The following EVC2 variants were observed in gnomAD, a reference collection of about 807,000 sequenced individuals.
EVC2 encodes EvC ciliary complex subunit 2.
A neutral mutation model predicts 149.3 loss-of-function variants in EVC2; 148 were observed. The observed-to-expected ratio is 0.99, with a 90% confidence interval of 0.87 to 1.14. The LOEUF (loss-of-function observed/expected upper bound fraction) is 1.14. EVC2 is among the 50% of genes most tolerant of loss of function. The pLI is 0.00. For missense variants in EVC2, 1,854 were observed against 1,627.3 expected, an observed-to-expected ratio of 1.14 and a Z score of -2.40; for synonymous variants, 776 against 649.9, an observed-to-expected ratio of 1.19 and a Z score of -2.95.
rs1178938566 is a variant in EVC2, at chr4:5,708,495, G to T, written c.19C>A (p.Arg7=). MDPSGS[R]GRPTWVLAGG... The stretch of plus-strand genomic sequence containing the variant: ...GCCAGCACCCACGTGGGGCGCCCCC[G>T]GGAGCCCGAGGGGTCCATCGCCTGT... Residue 7 remains arginine, a synonymous_variant, in exon 1 of 22, where the codon CGG becomes AGG. Coordinates refer to ENST00000344408, the MANE Select transcript of EVC2 (RefSeq NM_147127.5). The T allele has an allele frequency of 4.7e-6, 7 of 1,479,184 alleles. No individual in the cohort carries two copies. The highest frequency in any genetic ancestry group is 4.5e-6 in the Non-Finnish European group (5 of 1,122,740). 91.6% of individuals were successfully genotyped at this position (1,479,184 alleles called of 1,614,324 possible). A position where few individuals can be genotyped will look rare whatever the true frequency, so the allele number is the denominator to read the frequency against.
intron 11 of EVC2, among the ~76,000 whole-genome samples, chr4:5,628,938 T>C (rs1316886536): frequency 2.0e-5 from 3 of 152,194 alleles, no homozygotes; most frequent in Admixed American, 2.0e-4. Flanking sequence ...CTTTGAAAAG[T>C]GCATTCTAGA....
rs1722977106 is a variant in EVC2 at position 5,577,092 on chromosome 4, GAACACTTAC to G, written c.3058-647_3058-639del. On this transcript the variant is annotated intron_variant, in intron 17 of 21. Coordinates refer to ENST00000344408, the MANE Select transcript of EVC2 (RefSeq NM_147127.5). The stretch of plus-strand genomic sequence containing the variant: ...GTACTTTCCATACGTGAATCTCACT[GAACACTTAC>G]AACAATCCTTCAGAATACATACTCT... 3.3e-5 allele frequency among the ~76,000 whole-genome samples: 5 copies of G among 152,336 alleles called. No homozygotes were observed. The South Asian group carries it at 6.2e-4, about 19-fold the overall frequency.
chr4:5,665,025 C>T (rs1408501552), intron 8 of EVC2, among the ~76,000 whole-genome samples: 4 of 149,500 alleles, frequency 2.7e-5, no homozygotes, highest in Admixed American at 6.7e-5. Flanking sequence ...TGACGGGATG[C>T]GTGTGGGTGA....
intron 6 of EVC2, among the ~76,000 whole-genome samples, chr4:5,681,541 C>A (rs539184022): frequency 2.6e-5 from 4 of 152,322 alleles, no homozygotes; most frequent in Middle Eastern, 3.4e-3. Context: ...GCTTCGCTAA[C>A]ATCCAGAGAA....
the EVC2 span, among the ~76,000 whole-genome samples, chr4:5,536,936 T>C: frequency 1.3e-5 from 2 of 152,194 alleles, no homozygotes; most frequent in African/African-American, 4.8e-5. Context: ...TATGAGAAGA[T>C]GATATCCCTG....
chr4:5,621,459 T>A (rs1367194278), intron 14 of EVC2, among the ~76,000 whole-genome samples: 1 of 152,204 alleles, frequency 6.6e-6, no homozygotes, highest in Non-Finnish European at 1.5e-5. Context: ...CAAACTTAAG[T>A]GGTGGTCCTG....
chr4:5,641,734 A>G (rs935233173), intron 9 of EVC2, among the ~76,000 whole-genome samples: 1 of 152,230 alleles, frequency 6.6e-6, no homozygotes, highest in Non-Finnish European at 1.5e-5. Flanking sequence ...CTGTGAATCC[A>G]CCATTCAATC....
Position 5,679,029 on chromosome 4 carries a change from A to G in EVC2, c.870+2231T>C, listed in dbSNP as rs1720169776. Reference sequence around the variant, plus strand: ...CTGGGCGACAAAGCAAGACTCTAAGAAAAAAAAGAAAGAAAGAAAAGAAAA... The same window carrying G: ...CTGGGCGACAAAGCAAGACTCTAAGGAAAAAAAGAAAGAAAGAAAAGAAAA... On this transcript the variant is annotated intron_variant, in intron 7 of 21. Coordinates refer to ENST00000344408, the MANE Select transcript of EVC2 (RefSeq NM_147127.5). The surrounding 1 kb of genome is among the most constrained non-coding windows in gnomAD (Gnocchi z 5.1). Among the ~76,000 whole-genome samples, 2 of 151,692 alleles carry G rather than the reference A, an allele frequency of 1.3e-5. No homozygotes were observed. Among genetic ancestry groups the G allele is most frequent in the South Asian group, 4.2e-4 (2 of 4,788 alleles).
intron 2 of EVC2, among the ~76,000 whole-genome samples, chr4:5,695,177 G>A (rs934372281): frequency 4.0e-5 from 6 of 151,872 alleles, no homozygotes; most frequent in South Asian, 2.1e-4. Context: ...GTGAAACCCC[G>A]TCTCTACTAA....
intron 1 of EVC2, among the ~76,000 whole-genome samples, chr4:5,700,160 T>G (rs934112417): frequency 6.6e-6 from 1 of 151,990 alleles, no homozygotes; most frequent in Admixed American, 6.6e-5. Flanking sequence ...AAAATAAAAA[T>G]AAAGAAATAA....
chr4:5,693,730 T>A (rs1420546397), intron 3 of EVC2, among the ~76,000 whole-genome samples: 1 of 152,204 alleles, frequency 6.6e-6, no homozygotes, highest in East Asian at 1.9e-4. Flanking sequence ...TCGTAGCTCA[T>A]TGGCCAAGCT....
At chr4:5,658,688 A>G (rs1341091430) in intron 9 of EVC2, among the ~76,000 whole-genome samples, 2 of 152,232 alleles carry the variant, frequency 1.3e-5, no homozygotes, top group African/African-American at 2.4e-5. Context: ...CAGTAGAAGA[A>G]AAGATTGAAA....
At chr4:5,656,503 G>A (rs965805141) in intron 9 of EVC2, among the ~76,000 whole-genome samples, 5 of 152,170 alleles carry the variant, frequency 3.3e-5, no homozygotes, top group South Asian at 2.1e-4. Flanking sequence ...ATCTTGACAC[G>A]AGGAGACTAT....
Position 5,656,087 on chromosome 4 carries a change from G to A in EVC2, c.1145+7020C>T, listed in dbSNP as rs115877257. Among the ~76,000 whole-genome samples, 1,238 of 152,264 alleles carry A rather than the reference G, an allele frequency of 8.1e-3. 10 individuals carry two copies. The highest frequency in any genetic ancestry group is 0.027 in the Middle Eastern group (8 of 292). On this transcript the variant is annotated intron_variant, in intron 9 of 21. Transcript: ENST00000344408. ...AGACCTTAGGCTCTTCCCTCTTTGT[G>A]AGTCTCCTCTTGCATGACCTAAGAA...
chr4:5,598,498 G>T (rs1284991524), intron 16 of EVC2, among the ~76,000 whole-genome samples: 1 of 152,164 alleles, frequency 6.6e-6, no homozygotes, highest in Non-Finnish European at 1.5e-5. Context: ...AATGGTGCTG[G>T]GAAAACTGGC....
intron 9 of EVC2, among the ~76,000 whole-genome samples, chr4:5,658,888 A>G (rs372219027): frequency 6.6e-6 from 1 of 152,190 alleles, no homozygotes; most frequent in African/African-American, 2.4e-5. Flanking sequence ...TCGGCACTCC[A>G]TGCCCCTAGA....
At chr4:5,599,874 A>G (rs1451362259) in intron 16 of EVC2, among the ~76,000 whole-genome samples, 1 of 152,208 alleles carries the variant, frequency 6.6e-6, no homozygotes, top group African/African-American at 2.4e-5. Context: ...TTGTATCAGG[A>G]GGAAAGTAGA....
intron 21 of EVC2, among the ~76,000 whole-genome samples, chr4:5,564,791 G>C (rs185267200): frequency 6.6e-6 from 1 of 152,200 alleles, no homozygotes; most frequent in Non-Finnish European, 1.5e-5. Flanking sequence ...GGTAAAGAGC[G>C]CAAGCCTGGA....
chr4:5,691,248 C>G lies in EVC2; in HGVS notation c.519+17G>C. 6.2e-7 allele frequency: 1 copy of G among 1,607,574 alleles called. No individual in the cohort carries two copies. Among genetic ancestry groups the G allele is most frequent in the South Asian group, 1.1e-5 (1 of 90,898 alleles). Reference sequence around the variant, plus strand: ...AATTATTTTCTCTTCAAATATACACCACCAGTGGAAACTTACCAGTGCACA... The same window carrying G: ...AATTATTTTCTCTTCAAATATACACGACCAGTGGAAACTTACCAGTGCACA... On this transcript the variant is annotated intron_variant, in intron 4 of 21. Transcript: ENST00000344408.
Sources: allele counts gnomAD v4.1 joint callset (sites outside exome capture counted in the v4.1 genomes callset), GRCh38; gene constraint gnomAD v4.1.1; non-coding constraint Gnocchi (gnomAD v3.1); transcripts MANE v1.5; gene names NCBI Gene and HGNC (gene_info 2026-07-23, HGNC 2026-07-21).